Variants in CHST11 observed in about 807,000 individuals in gnomAD.
CHST11 encodes the protein carbohydrate sulfotransferase 11.
CHST11 carries 9 observed loss-of-function variants against 30.4 expected under a neutral mutation model. That is an observed-to-expected ratio of 0.30 (90% CI 0.18 to 0.52). The LOEUF is 0.52. CHST11 is among the 20% of genes least tolerant of loss of function. The pLI is 0.97. For synonymous variants in CHST11, 152 were observed against 187.8 expected (o/e 0.81, Z 1.56); for missense variants, 348 against 460.6 (o/e 0.76, Z 2.24).
intron 2 of CHST11, among the ~76,000 whole-genome samples, chr12:104,737,421 G>C (rs4964835): frequency 0.33 from 50,410 of 152,138 alleles, 8,841 homozygotes; most frequent in South Asian, 0.56. Context: ...TTGTAAGTTG[G>C]GGATATCACT....
intron 1 of CHST11, among the ~76,000 whole-genome samples, chr12:104,583,274 G>A (rs1177397196): frequency 1.3e-5 from 2 of 152,130 alleles, no homozygotes; most frequent in Non-Finnish European, 2.9e-5. Flanking sequence ...ATTTCCCTGG[G>A]GAGAAACCAC....
At chr12:104,464,270 G>A (rs763659191) in intron 1 of CHST11, among the ~76,000 whole-genome samples, 1 of 151,934 alleles carries the variant, frequency 6.6e-6, no homozygotes, top group Non-Finnish European at 1.5e-5. Flanking sequence ...GTTTTGCCAT[G>A]TTGGCCAAGC....
At chr12:104,656,599 G>A (rs1405681576) in intron 2 of CHST11, among the ~76,000 whole-genome samples, 2 of 152,150 alleles carry the variant, frequency 1.3e-5, no homozygotes, top group African/African-American at 4.8e-5. Flanking sequence ...AATTTGCACC[G>A]CAGGACATTC....
intron 1 of CHST11, chr12:104,591,483 T>TC (rs1824652419): frequency 7.2e-6 from 1 of 138,520 alleles, no homozygotes; most frequent in South Asian, 2.4e-4. Flanking sequence ...AGAAAATTCC[T>TC]CACTGTTTGG....
intron 1 of CHST11, among the ~76,000 whole-genome samples, chr12:104,482,657 A>C (rs182839365): frequency 1.7e-4 from 26 of 152,258 alleles, no homozygotes; most frequent in Non-Finnish European, 3.1e-4. Flanking sequence ...TGGAGGACCT[A>C]GTGTGTGCCC....
chr12:104,621,439 G>C (rs2039157211), intron 2 of CHST11, among the ~76,000 whole-genome samples: 1 of 152,196 alleles, frequency 6.6e-6, no homozygotes, highest in Non-Finnish European at 1.5e-5. Flanking sequence ...CCTTTTCCAA[G>C]CAATAAGAAT....
chr12:104,556,809 T>C (rs1180187829), intron 1 of CHST11, among the ~76,000 whole-genome samples: 1 of 152,050 alleles, frequency 6.6e-6, no homozygotes, highest in Non-Finnish European at 1.5e-5. Flanking sequence ...GGTGAAACCC[T>C]GTCTCTACCA....
rs552187201 is a variant in CHST11 at position 104,704,072 on chromosome 12, C to T, written c.205-52877C>T. Among the ~76,000 whole-genome samples, 118 of 152,276 alleles carry T rather than the reference C, an allele frequency of 7.7e-4. 1 individual carries two copies. The highest frequency in any genetic ancestry group is 2.8e-3 in the African/African-American group (116 of 41,544). ...CAATGCCTGGCACCAAGTGGGAAGTCAAACGTTCGTCGAACGGAAGGTGTA... is the reference window on the plus strand; with the variant it reads ...CAATGCCTGGCACCAAGTGGGAAGTTAAACGTTCGTCGAACGGAAGGTGTA... On this transcript the variant is annotated intron_variant, in intron 2 of 2. Coordinates refer to ENST00000303694, the MANE Select transcript of CHST11 (RefSeq NM_018413.6).
At chr12:104,637,547 T>C (rs1308863401) in intron 2 of CHST11, among the ~76,000 whole-genome samples, 1 of 152,164 alleles carries the variant, frequency 6.6e-6, no homozygotes, top group Non-Finnish European at 1.5e-5. Flanking sequence ...TGTATCCAGA[T>C]TAAAATCTGT....
At chr12:104,495,732 G>T (rs1188954727) in intron 1 of CHST11, among the ~76,000 whole-genome samples, 2 of 152,142 alleles carry the variant, frequency 1.3e-5, no homozygotes, top group Non-Finnish European at 2.9e-5. Context: ...TATAGATGAG[G>T]AAATTGAGGC....
chr12:104,640,140 G>A (rs1168458511), intron 2 of CHST11, among the ~76,000 whole-genome samples: 1 of 152,196 alleles, frequency 6.6e-6, no homozygotes, highest in African/African-American at 2.4e-5. Flanking sequence ...AATGCAAAAT[G>A]ATACAGCCCT....
In CHST11 at chr12:104,488,752, T is replaced by C. The variant is rs914132293; in HGVS notation, c.118+31223T>C. On this transcript the variant is annotated intron_variant, in intron 1 of 2. Transcript: ENST00000303694. ...GTGTATGTGTACGCGTGTGTGTGTG[T>C]GTGTGTGTGTGTGTGTGTGTCTATA... is the stretch of plus-strand genomic sequence containing the variant. 2.3e-3 allele frequency among the ~76,000 whole-genome samples: 338 copies of C among 146,982 alleles called. 2 individuals are homozygous for C. Among genetic ancestry groups the C allele is most frequent in the African/African-American group, 8.6e-3 (317 of 36,748 alleles).
intron 2 of CHST11, among the ~76,000 whole-genome samples, chr12:104,651,251 A>G (rs1397805016): frequency 1.3e-5 from 2 of 152,202 alleles, no homozygotes; most frequent in East Asian, 1.9e-4. Context: ...CTGATTTGCA[A>G]TTTGGCATCA....
intron 2 of CHST11, among the ~76,000 whole-genome samples, chr12:104,679,413 C>G (rs183907685): frequency 6.6e-6 from 1 of 152,134 alleles, no homozygotes; most frequent in East Asian, 1.9e-4. Flanking sequence ...ATTCAGGCCC[C>G]GGAGCCTCCG....
Position 104,480,692 on chromosome 12 carries a change from C to T in CHST11, c.118+23163C>T, listed in dbSNP as rs530850126. 1.1e-4 allele frequency among the ~76,000 whole-genome samples: 17 copies of T among 151,970 alleles called. No individual in the cohort carries two copies. In the South Asian group the frequency reaches 1.5e-3, roughly 13 times the overall value. ...AGAGACACAGAAACACACATAAGAC[C>T]GTGTGATAATGGAGGCAGAGACTGG... On this transcript the variant is annotated intron_variant, in intron 1 of 2. Transcript: ENST00000303694.
rs192447010 is a variant in CHST11, at chr12:104,573,195, C to G, written c.119-28711C>G. On this transcript the variant is annotated intron_variant, in intron 1 of 2. Transcript: ENST00000303694. ...TCAAGGAGAACTACAAACCGCTGCT[C>G]AATGAAATAAAAGAGGATACAAACA... Among the ~76,000 whole-genome samples, 824 of 152,174 alleles carry G rather than the reference C, an allele frequency of 5.4e-3. 5 individuals carry two copies. The highest frequency in any genetic ancestry group is 0.018 in the African/African-American group (744 of 41,512).
intron 2 of CHST11, among the ~76,000 whole-genome samples, chr12:104,645,975 G>T (rs1299444978): frequency 6.6e-6 from 1 of 152,180 alleles, no homozygotes; most frequent in African/African-American, 2.4e-5. Flanking sequence ...GGACCTTGGT[G>T]ATGGCACCAT....
At chr12:104,569,035 T>C (rs928557604) in intron 1 of CHST11, among the ~76,000 whole-genome samples, 1 of 152,032 alleles carries the variant, frequency 6.6e-6, no homozygotes, top group East Asian at 1.9e-4. Flanking sequence ...CCCACAACAC[T>C]CCTGAGAGGT....
chr12:104,626,897 C>T (rs80013782), intron 2 of CHST11, among the ~76,000 whole-genome samples: 2 of 152,104 alleles, frequency 1.3e-5, no homozygotes, highest in Non-Finnish European at 2.9e-5. Context: ...TTAGGGTTCA[C>T]TGTTGGTGTT....
Sources: gnomAD v4.1 joint callset for allele counts (sites outside exome capture counted in the v4.1 genomes callset) on GRCh38, gnomAD v4.1.1 for gene constraint, MANE v1.5 for transcripts, NCBI Gene and HGNC (gene_info 2026-07-23, HGNC 2026-07-21) for gene names.